SCRG1: variants seen among roughly 807,000 people sequenced by gnomAD.
The protein encoded by SCRG1 is stimulator of chondrogenesis 1.
In SCRG1, 3 loss-of-function variants were observed where a neutral mutation model predicts 7.7. The ratio of observed to expected loss-of-function variants is 0.39; its 90% CI spans 0.18 to 1.01. The LOEUF (loss-of-function observed/expected upper bound fraction) is 1.01. Ranked by LOEUF, SCRG1 falls within the 50% of genes least tolerant of loss-of-function variation. The pLI is 0.36. For missense variants in SCRG1, 110 were observed against 117.2 expected (o/e 0.94, Z 0.28); for synonymous variants, 46 against 41.2 (o/e 1.12, Z -0.44).
chr4:173,427,206 G>A, the SCRG1 span, among the ~76,000 whole-genome samples: 7 of 152,176 alleles, frequency 4.6e-5, no homozygotes, highest in African/African-American at 1.2e-4. Flanking sequence ...TGACTAATTC[G>A]TGAGCCCTGG....
the SCRG1 span, among the ~76,000 whole-genome samples, chr4:173,461,670 T>C: frequency 6.6e-6 from 1 of 152,170 alleles, no homozygotes; most frequent in African/African-American, 2.4e-5. Flanking sequence ...GAACATCTTC[T>C]AGCATCAACA....
chr4:173,507,126 C>T, the SCRG1 span, among the ~76,000 whole-genome samples: 2 of 152,174 alleles, frequency 1.3e-5, no homozygotes, highest in Non-Finnish European at 2.9e-5. The surrounding 1 kb of genome is among the most constrained non-coding windows in gnomAD (Gnocchi z 4.4). Flanking sequence ...AAGGGAAGGC[C>T]GCGAGATGGT....
the SCRG1 span, among the ~76,000 whole-genome samples, chr4:173,482,576 G>A: frequency 6.6e-6 from 1 of 152,074 alleles, no homozygotes; most frequent in Non-Finnish European, 1.5e-5. Flanking sequence ...CTAGAAGTTT[G>A]GGAGACTAAG....
chr4:173,485,443 A>G, the SCRG1 span, among the ~76,000 whole-genome samples: 202 of 151,290 alleles, frequency 1.3e-3, no homozygotes, highest in Non-Finnish European at 2.4e-3. Context: ...AGCCTCATGT[A>G]AGCCATTAGA....
chr4:173,481,192 T>A, the SCRG1 span, among the ~76,000 whole-genome samples: 1 of 152,216 alleles, frequency 6.6e-6, no homozygotes, highest in Non-Finnish European at 1.5e-5. Flanking sequence ...TAATTATCTT[T>A]ATCTTATGAG....
the SCRG1 span, among the ~76,000 whole-genome samples, chr4:173,470,630 A>G: frequency 6.6e-6 from 1 of 152,178 alleles, no homozygotes; most frequent in Admixed American, 6.5e-5. Flanking sequence ...TAACCATATG[A>G]CCCTTTTAAT....
chr4:173,491,883 A>T, the SCRG1 span, among the ~76,000 whole-genome samples: 1 of 152,206 alleles, frequency 6.6e-6, no homozygotes, highest in Non-Finnish European at 1.5e-5. Context: ...TAATCCCAGC[A>T]CTTTGAAAGG....
chr4:173,518,992 G>A, the SCRG1 span, among the ~76,000 whole-genome samples: 1 of 152,004 alleles, frequency 6.6e-6, no homozygotes, highest in South Asian at 2.1e-4. Flanking sequence ...GTTGCCTTCG[G>A]GGCCCTTCGG....
At chr4:173,515,049 C>T in the SCRG1 span, among the ~76,000 whole-genome samples, 1 of 152,180 alleles carries the variant, frequency 6.6e-6, no homozygotes, top group Non-Finnish European at 1.5e-5. This position sits in a 1 kb window ranked among gnomAD's most constrained non-coding sequence, Gnocchi z 4.6. Flanking sequence ...AGCTGATAGG[C>T]ATTTCACATA....
At chr4:173,481,085 C>G in the SCRG1 span, among the ~76,000 whole-genome samples, 1 of 152,172 alleles carries the variant, frequency 6.6e-6, no homozygotes, top group South Asian at 2.1e-4. Flanking sequence ...AATAAAATAA[C>G]ATACTGATAA....
At chr4:173,508,409 C>T in the SCRG1 span, among the ~76,000 whole-genome samples, 4 of 152,164 alleles carry the variant, frequency 2.6e-5, no homozygotes, top group Non-Finnish European at 5.9e-5. This position sits in a 1 kb window ranked among gnomAD's most constrained non-coding sequence, Gnocchi z 4.4. Context: ...ACAAATCCGA[C>T]AAATATGCCC....
the SCRG1 span, among the ~76,000 whole-genome samples, chr4:173,509,536 C>T: frequency 6.6e-6 from 1 of 152,216 alleles, no homozygotes; most frequent in African/African-American, 2.4e-5. The surrounding 1 kb of genome is among the most constrained non-coding windows in gnomAD (Gnocchi z 5.7). Flanking sequence ...CAGCCTCTCC[C>T]CAGGGCTGTG....
At chr4:173,491,345 T>G in the SCRG1 span, among the ~76,000 whole-genome samples, 1 of 151,744 alleles carries the variant, frequency 6.6e-6, no homozygotes, top group Non-Finnish European at 1.5e-5. Flanking sequence ...GCTGACATGG[T>G]GGTAGAGGGA....
the SCRG1 span, among the ~76,000 whole-genome samples, chr4:173,476,363 A>AAAAAAAAATATATATATAT: frequency 2.3e-4 from 23 of 98,506 alleles, no homozygotes; most frequent in East Asian, 7.3e-4. Flanking sequence ...GGAAAAAAAA[A>AAAAAAAAATATATATATAT]ATATATATAT....
At chr4:173,513,308 A>C in the SCRG1 span, among the ~76,000 whole-genome samples, 3 of 152,076 alleles carry the variant, frequency 2.0e-5, no homozygotes, top group African/African-American at 7.2e-5. Context: ...TGATTATTCC[A>C]CATTTGTCCC....
chr4:173,414,421 A>C, the SCRG1 span, among the ~76,000 whole-genome samples: 1 of 152,172 alleles, frequency 6.6e-6, no homozygotes, highest in African/African-American at 2.4e-5. Flanking sequence ...CATCTACCCA[A>C]GTAGCAAACT....
the SCRG1 span, among the ~76,000 whole-genome samples, chr4:173,482,950 T>C: frequency 7.4e-6 from 1 of 134,980 alleles, no homozygotes; most frequent in East Asian, 2.1e-4. Flanking sequence ...AAATATATAA[T>C]ATATTGTACA....
the SCRG1 span, among the ~76,000 whole-genome samples, chr4:173,414,257 G>A: frequency 7.2e-5 from 11 of 152,296 alleles, no homozygotes; most frequent in Non-Finnish European, 1.3e-4. Flanking sequence ...ATCTGTGCCT[G>A]TTTAAATTTA....
chr4:173,426,920 T>C, the SCRG1 span, among the ~76,000 whole-genome samples: 1 of 152,242 alleles, frequency 6.6e-6, no homozygotes, highest in African/African-American at 2.4e-5. Flanking sequence ...TACCAAGAAA[T>C]GCAAAAGAGA....
Sources: gnomAD v4.1 joint callset for allele counts (sites outside exome capture counted in the v4.1 genomes callset) on GRCh38, gnomAD v4.1.1 for gene constraint, Gnocchi (gnomAD v3.1) non-coding constraint, MANE v1.5 for transcripts, NCBI Gene and HGNC (gene_info 2026-07-23, HGNC 2026-07-21) for gene names.